DNTT: variants seen among roughly 807,000 people sequenced by gnomAD.
DNTT encodes DNA nucleotidylexotransferase.
Under a neutral mutation model 60.9 loss-of-function variants are expected in DNTT, and 47 were observed. The ratio of observed to expected loss-of-function variants is 0.77; its 90% CI spans 0.61 to 0.98. DNTT has a LOEUF of 0.98. DNTT is among the 50% of genes least tolerant of loss of function. DNTT has a pLI of 0.00. For missense variants in DNTT, 665 were observed against 627.5 expected (o/e 1.06, Z -0.64); for synonymous variants, 224 against 221.2 (o/e 1.01, Z -0.11).
rs141349007 is a variant in DNTT at position 96,332,314 on chromosome 10, C to T, written c.1114-37C>T. On this transcript the variant is annotated intron_variant, in intron 8 of 10. Transcript: ENST00000371174. ...GTGTTAAATCATAGATCTTCTTCAT[C>T]AGGGCCTTTTCCTGATGCCATTCTG... 58 of 1,600,306 alleles carry T rather than the reference C, an allele frequency of 3.6e-5. No homozygotes were observed. In the East Asian group the frequency reaches 1.2e-3, roughly 33 times the overall value.
chr10:96,307,733 A>ATATATATATATATAT (rs1491263751), intron 1 of DNTT, among the ~76,000 whole-genome samples: 2 of 60,782 alleles, frequency 3.3e-5, no homozygotes, highest in Non-Finnish European at 4.4e-5. Flanking sequence ...ATATATATAT[A>ATATATATATATATAT]AGCATATATA....
intron 9 of DNTT, among the ~76,000 whole-genome samples, chr10:96,333,257 C>T (rs563123727): frequency 6.6e-6 from 1 of 152,306 alleles, no homozygotes; most frequent in South Asian, 2.1e-4. Flanking sequence ...CAAATTAAAA[C>T]CACAATAAGA....
intron 1 of DNTT, among the ~76,000 whole-genome samples, chr10:96,312,193 T>C (rs2133984261): frequency 6.6e-6 from 1 of 152,234 alleles, no homozygotes; most frequent in Non-Finnish European, 1.5e-5. Context: ...GGGAGTCAAA[T>C]CTAGGCTGGG....
At chr10:96,324,154 C>A (rs920992616) in intron 5 of DNTT, 112 bp from the exon 6 acceptor site, 12 of 1,387,088 alleles carry the variant, frequency 8.7e-6, no homozygotes, top group South Asian at 1.7e-5. Flanking sequence ...GAAACTAGGT[C>A]AAAGATTTGC....
chr10:96,332,342 T>G lies in DNTT; in HGVS notation c.1114-9T>G, dbSNP rs759357865. On this transcript the variant is annotated splice_polypyrimidine_tract_variant and intron_variant, in intron 8 of 10. Coordinates refer to ENST00000371174, the MANE Select transcript of DNTT (RefSeq NM_004088.4). ...GGCCTTTTCCTGATGCCATTCTGTT[T>G]CTTTTCAGGGATTACTTTTATATTA... The G allele has an allele frequency of 1.2e-6, 2 of 1,610,828 alleles. No homozygotes were observed. Among genetic ancestry groups the G allele is most frequent in the Non-Finnish European group, 1.7e-6 (2 of 1,177,646 alleles).
chr10:96,332,715 T>C (rs1845022366), intron 9 of DNTT, 119 bp downstream of exon 9: 1 of 1,460,830 alleles, frequency 6.8e-7, no homozygotes, highest in Non-Finnish European at 9.2e-7. Flanking sequence ...GAGGGGCCAG[T>C]ACCCAGAAAC....
intron 1 of DNTT, among the ~76,000 whole-genome samples, chr10:96,309,298 C>T (rs758623682): frequency 2.6e-5 from 4 of 152,156 alleles, no homozygotes; most frequent in Non-Finnish European, 5.9e-5. Context: ...TTAGTACCTA[C>T]TCTGTGCAGT....
chr10:96,314,553 C>T (rs530241393), intron 1 of DNTT, among the ~76,000 whole-genome samples: 2 of 151,800 alleles, frequency 1.3e-5, no homozygotes, highest in East Asian at 3.9e-4. Context: ...GCTGGGACTA[C>T]AGGCGCGTTC....
In DNTT at chr10:96,318,542, G is replaced by A. The variant is rs761404402; in HGVS notation, c.378+16G>A. The A allele has an allele frequency of 2.5e-6, 4 of 1,610,750 alleles. No homozygotes were observed. Among genetic ancestry groups the A allele is most frequent in the African/African-American group, 1.3e-5 (1 of 74,930 alleles). The stretch of plus-strand genomic sequence containing the variant: ...CCAGCTTGTTGTAAGTGTCATGGGT[G>A]TGATTTTCACTGTTCTTTGCTTGAT... On this transcript the variant is annotated intron_variant, in intron 2 of 10. Transcript: ENST00000371174.
At chr10:96,334,734 G>C (rs531212572) in intron 9 of DNTT, among the ~76,000 whole-genome samples, 2 of 152,160 alleles carry the variant, frequency 1.3e-5, no homozygotes, top group Non-Finnish European at 2.9e-5. Context: ...TATCATAAAT[G>C]CAACTTGTCT....
chr10:96,335,985 CT>C lies in DNTT; in HGVS notation c.1443+13del, dbSNP rs1845064626. On this transcript the variant is annotated intron_variant, in intron 10 of 10. Coordinates refer to ENST00000371174, the MANE Select transcript of DNTT (RefSeq NM_004088.4). ...TATGACAAGACCAAGGTACAGTTCTCTTCCTAAAAGGGGCTACTTTGATCCT... is the reference window on the plus strand; with the variant it reads ...TATGACAAGACCAAGGTACAGTTCTCTCCTAAAAGGGGCTACTTTGATCCT... 1 of 1,613,954 alleles carries C rather than the reference CT, an allele frequency of 6.2e-7. No individual in the cohort carries two copies. The highest frequency in any genetic ancestry group is 1.1e-5 in the South Asian group (1 of 91,090).
intron 1 of DNTT, among the ~76,000 whole-genome samples, chr10:96,311,808 T>G (rs902115964): frequency 6.6e-6 from 1 of 152,048 alleles, no homozygotes; most frequent in Non-Finnish European, 1.5e-5. Flanking sequence ...CACACCCAGC[T>G]AATTTTTGTA....
chr10:96,306,355 G>T (rs1844637331), intron 1 of DNTT, among the ~76,000 whole-genome samples: 2 of 152,154 alleles, frequency 1.3e-5, no homozygotes, highest in Admixed American at 1.3e-4. Context: ...GCCTCCCAAA[G>T]TGCTGGGATT....
intron 1 of DNTT, among the ~76,000 whole-genome samples, chr10:96,307,435 A>G (rs1433291006): frequency 2.2e-5 from 3 of 136,124 alleles, no homozygotes; most frequent in Admixed American, 8.5e-5. Flanking sequence ...GCTCACTGCA[A>G]CCTCCACCTC....
chr10:96,322,578 C>G (rs1490100882), intron 4 of DNTT, 79 bp from the exon 5 acceptor site: 4 of 1,182,942 alleles, frequency 3.4e-6, no homozygotes, highest in African/African-American at 1.5e-5. Context: ...AACCAAACTA[C>G]TAGGTCCATG....
intron 6 of DNTT, 50 bp downstream of exon 6, chr10:96,324,439 T>G (rs1204322066): frequency 6.2e-7 from 1 of 1,606,714 alleles, no homozygotes; most frequent in South Asian, 1.1e-5. Context: ...GGTCGGGTCG[T>G]GGTGGAGCTC....
In DNTT at chr10:96,321,354, A is replaced by G. The variant is rs910219663; in HGVS notation, c.678+566A>G. ...GGGGTCCTGCGTCACTTTTCCCATGATTCTTCCCTTAGGGTGAGCCACCCG... is the reference window on the plus strand; with the variant it reads ...GGGGTCCTGCGTCACTTTTCCCATGGTTCTTCCCTTAGGGTGAGCCACCCG... On this transcript the variant is annotated intron_variant, in intron 4 of 10. Coordinates refer to ENST00000371174, the MANE Select transcript of DNTT (RefSeq NM_004088.4). Among the ~76,000 whole-genome samples, 3 of 151,990 alleles carry G rather than the reference A, an allele frequency of 2.0e-5. 1 individual carries two copies. In the South Asian group the frequency reaches 6.2e-4, roughly 32 times the overall value.
At chr10:96,336,939 GGA>G (rs1491295673) in intron 10 of DNTT, among the ~76,000 whole-genome samples, 47 of 68,276 alleles carry the variant, frequency 6.9e-4, no homozygotes, top group African/African-American at 1.3e-3. Context: ...CTCTGTGTCA[GGA>G]AAAAAAAAAA....
chr10:96,334,859 AC>A (rs1845048909), intron 9 of DNTT, among the ~76,000 whole-genome samples: 2 of 152,230 alleles, frequency 1.3e-5, no homozygotes, highest in African/African-American at 2.4e-5. Flanking sequence ...GAAGTGGTTG[AC>A]ATTTGCCCAT....
Sources: allele counts gnomAD v4.1 joint callset (sites outside exome capture counted in the v4.1 genomes callset), GRCh38; gene constraint gnomAD v4.1.1; transcripts MANE v1.5; gene names NCBI Gene and HGNC (gene_info 2026-07-23, HGNC 2026-07-21).